The following KANK1 variants were observed in gnomAD, a reference collection of about 807,000 sequenced individuals.
KANK1 encodes the protein KN motif and ankyrin repeat domain-containing protein 1.
A neutral mutation model predicts 106.2 loss-of-function variants in KANK1; 109 were observed. That is an observed-to-expected ratio of 1.03 (90% CI 0.88 to 1.20). The LOEUF (loss-of-function observed/expected upper bound fraction) is 1.20. Ranked by LOEUF, KANK1 falls within the 50% of genes most tolerant of loss-of-function variation. The pLI is 0.00. For missense variants in KANK1, 2,399 were observed against 1,710.7 expected, an observed-to-expected ratio of 1.40 and a Z score of -7.10; for synonymous variants, 873 against 652.2, an observed-to-expected ratio of 1.34 and a Z score of -5.16.
At chr9:674,855 C>T (rs1216834570) in intron 1 of KANK1, among the ~76,000 whole-genome samples, 2 of 152,050 alleles carry the variant, frequency 1.3e-5, no homozygotes, top group Non-Finnish European at 2.9e-5. Flanking sequence ...AGGCGTGCAC[C>T]ACCAGCCTTG....
intron 2 of KANK1, among the ~76,000 whole-genome samples, chr9:701,214 A>G (rs1822575557): frequency 1.3e-5 from 2 of 152,166 alleles, no homozygotes; most frequent in South Asian, 4.1e-4. Context: ...CACAGGTTCA[A>G]GCAATTTTCC....
At chr9:474,029 G>C (rs1049285067) in intron 3 of KANK1, among the ~76,000 whole-genome samples, 4 of 152,048 alleles carry the variant, frequency 2.6e-5, no homozygotes, top group African/African-American at 9.7e-5. Flanking sequence ...CTCAGCCAGA[G>C]TTAATGAAGA....
intron 7 of KANK1, among the ~76,000 whole-genome samples, chr9:737,267 A>ATGGT (rs985733612): frequency 2.0e-5 from 3 of 152,246 alleles, no homozygotes; most frequent in Non-Finnish European, 4.4e-5. Flanking sequence ...TGTGATTGAA[A>ATGGT]TGGTTAAAAC....
intron 1 of KANK1, among the ~76,000 whole-genome samples, chr9:645,520 C>T (rs1839480165): frequency 6.7e-6 from 1 of 148,950 alleles, no homozygotes; most frequent in Admixed American, 6.6e-5. Flanking sequence ...AATGAAATCC[C>T]TAATGTTTAA....
intron 1 of KANK1, among the ~76,000 whole-genome samples, chr9:533,797 T>C (rs2060172143): frequency 1.3e-5 from 2 of 152,254 alleles, no homozygotes; most frequent in Non-Finnish European, 2.9e-5. Flanking sequence ...TTTTTCATCT[T>C]CTGGAAGTGG....
intron 1 of KANK1, among the ~76,000 whole-genome samples, chr9:645,605 G>A (rs1839496052): frequency 6.7e-6 from 1 of 150,176 alleles, no homozygotes; most frequent in South Asian, 2.1e-4. Context: ...CTTCAGGCTG[G>A]GCGTGGTGGC....
intron 1 of KANK1, among the ~76,000 whole-genome samples, chr9:532,257 TTG>T (rs1297777301): frequency 3.1e-4 from 46 of 150,796 alleles, no homozygotes; most frequent in Middle Eastern, 3.5e-3. Context: ...TTTTTTTTTT[TTG>T]AGACAGAGTT....
Position 643,318 on chromosome 9 carries a change from T to C in KANK1, c.-83-33572T>C, listed in dbSNP as rs1049150735. Among the ~76,000 whole-genome samples the C allele has an allele frequency of 2.7e-5, 4 of 150,928 alleles. 1 individual carries two copies. Among genetic ancestry groups the C allele is most frequent in the South Asian group, 2.1e-4 (1 of 4,822 alleles). On this transcript the variant is annotated intron_variant, in intron 1 of 11. Transcript: ENST00000382297. ...TTTTTGATTACTTTTACTGTAGTTA[T>C]TGTTTTAAGATCTGCTTTTTGCCAT...
rs575964269 is a variant in KANK1, at chr9:695,983, A to C, written c.38-14821A>C. Among the ~76,000 whole-genome samples, 6 of 152,228 alleles carry C rather than the reference A, an allele frequency of 3.9e-5. No individual in the cohort carries two copies. In the East Asian group the frequency reaches 1.2e-3, roughly 29 times the overall value. On this transcript the variant is annotated intron_variant, in intron 2 of 11. Transcript: ENST00000382297. ...GCCATGTACCAAGCGCCAAGTACTG[A>C]GGAATACAAACATAAATACTGCTTG... is the stretch of plus-strand genomic sequence containing the variant.
intron 1 of KANK1, among the ~76,000 whole-genome samples, chr9:566,796 TAG>T (rs1483882684): frequency 3.3e-5 from 5 of 152,228 alleles, no homozygotes; most frequent in African/African-American, 9.6e-5. Context: ...TCCCATTCTG[TAG>T]GTTGTCTGTT....
intron 1 of KANK1, among the ~76,000 whole-genome samples, chr9:525,964 G>A (rs1263350682): frequency 6.6e-6 from 1 of 151,676 alleles, no homozygotes; most frequent in African/African-American, 2.4e-5. Context: ...TCTGAAATTT[G>A]GTTACCTGAA....
chr9:558,488 G>C (rs1308155743), intron 1 of KANK1, among the ~76,000 whole-genome samples: 1 of 152,156 alleles, frequency 6.6e-6, no homozygotes. Context: ...AAGATACCTT[G>C]TTTAATATAC....
intron 1 of KANK1, among the ~76,000 whole-genome samples, chr9:667,407 T>G: frequency 6.6e-6 from 1 of 152,058 alleles, no homozygotes; most frequent in Non-Finnish European, 1.5e-5. Flanking sequence ...TCAATTTCAT[T>G]TATTTTTGCT....
At chr9:503,012 T>A (rs1207354332), upstream of KANK1, among the ~76,000 whole-genome samples, 3 of 140,960 alleles carry the variant, frequency 2.1e-5, no homozygotes, top group East Asian at 2.0e-4. Context: ...TTTTTTTTTT[T>A]TTTTTTTTTT....
At chr9:673,346 A>C (rs1815660202) in intron 1 of KANK1, 1 of 151,980 alleles carries the variant, frequency 6.6e-6, no homozygotes, top group East Asian at 1.9e-4. Context: ...AGTAGCTGGG[A>C]TCACAGGCGT....
intron 1 of KANK1, among the ~76,000 whole-genome samples, chr9:670,513 TG>T (rs1845629774): frequency 6.6e-6 from 1 of 152,152 alleles, no homozygotes; most frequent in African/African-American, 2.4e-5. Flanking sequence ...CTGGCTGGAA[TG>T]GGGGAGGTTG....
intron 3 of KANK1, among the ~76,000 whole-genome samples, chr9:717,367 G>C (rs2131165923): frequency 6.6e-6 from 1 of 152,314 alleles, no homozygotes; most frequent in African/African-American, 2.4e-5. Context: ...GCACACTCCT[G>C]TGGTAGCCCG....
Position 730,946 on chromosome 9 carries a change from G to A in KANK1, c.2897-212G>A, listed in dbSNP as rs1309049604. On this transcript the variant is annotated intron_variant, in intron 4 of 11. Transcript: ENST00000382297. ...TTTGTTATGTCTGGAAGGACTAATT[G>A]ATTTTTTTCCCATGTGAAGAATGTT... The A allele has an allele frequency of 1.9e-5, 7 of 367,224 alleles. No individual in the cohort carries two copies. The South Asian group carries it at 2.2e-4, about 12-fold the overall frequency. The allele number at this position is 367,224 out of a possible 1,614,324, so 22.7% of individuals were successfully genotyped here. A position where few individuals can be genotyped will look rare whatever the true frequency, so the allele number is the denominator to read the frequency against.
At chr9:538,486 A>G (rs564624403) in intron 1 of KANK1, among the ~76,000 whole-genome samples, 1 of 152,384 alleles carries the variant, frequency 6.6e-6, no homozygotes, top group South Asian at 2.1e-4. Context: ...GAGGATCCTA[A>G]GAGGCACATT....
Sources: allele counts gnomAD v4.1 joint callset (sites outside exome capture counted in the v4.1 genomes callset), GRCh38; gene constraint gnomAD v4.1.1; transcripts MANE v1.5; gene names NCBI Gene and HGNC (gene_info 2026-07-23, HGNC 2026-07-21).